Variants in SLC43A2 observed in about 807,000 individuals in gnomAD.
The protein encoded by SLC43A2 is solute carrier family 43 member 2.
Under a neutral mutation model 63.2 loss-of-function variants are expected in SLC43A2, and 38 were observed. That is an observed-to-expected ratio of 0.60 (90% confidence interval 0.46 to 0.79). SLC43A2 has a LOEUF of 0.79. Among genes scored for constraint, SLC43A2 ranks in the 30% least tolerant of loss-of-function variants. The probability of loss-of-function intolerance (pLI) is 0.00; values close to 1 mark genes in which losing one functional copy is unlikely to be tolerated. For synonymous variants in SLC43A2, 322 were observed against 331.0 expected (o/e 0.97, Z 0.30); for missense variants, 644 against 756.2 (o/e 0.85, Z 1.74).
intron 5 of SLC43A2, among the ~76,000 whole-genome samples, chr17:1,594,650 C>G (rs111783863): frequency 6.9e-4 from 96 of 138,476 alleles, no homozygotes; most frequent in Admixed American, 3.9e-3. Context: ...TGCAGTGGCT[C>G]TATCTCGGCT....
chr17:1,612,320 G>A (rs943162796), intron 5 of SLC43A2, among the ~76,000 whole-genome samples: 1 of 152,122 alleles, frequency 6.6e-6, no homozygotes, highest in Non-Finnish European at 1.5e-5. Flanking sequence ...CTGACATCAA[G>A]AAGGAGCATA....
At chr17:1,586,940 C>A (rs748146602) in intron 9 of SLC43A2, 6 of 1,527,298 alleles carry the variant, frequency 3.9e-6, no homozygotes, top group Middle Eastern at 1.7e-4. Flanking sequence ...CCCCCCACCC[C>A]CCGCTTACCC....
chr17:1,589,403 G>T (rs891476697), intron 9 of SLC43A2, among the ~76,000 whole-genome samples: 30 of 152,174 alleles, frequency 2.0e-4, no homozygotes, highest in African/African-American at 7.0e-4. Flanking sequence ...CCAGGAGTTC[G>T]ACACCAACCT....
Position 1,604,791 on chromosome 17 carries a change from G to T in SLC43A2, c.501+8404C>A, listed in dbSNP as rs751380689. 6.6e-5 allele frequency: 102 copies of T among 1,535,740 alleles called. 1 individual carries two copies. The South Asian group carries it at 1.1e-3, about 17-fold the overall frequency. ...CCCCATGGTCCAGCGCCACAGCATC[G>T]GATGGGCTTGCATTTGCCTGTGGAC... On this transcript the variant is annotated intron_variant, in intron 5 of 13. Coordinates refer to ENST00000301335, the MANE Select transcript of SLC43A2 (RefSeq NM_152346.3).
At chr17:1,602,881 C>T (rs1906196955) in intron 5 of SLC43A2, among the ~76,000 whole-genome samples, 1 of 150,908 alleles carries the variant, frequency 6.6e-6, no homozygotes, top group Non-Finnish European at 1.5e-5. Context: ...GCCTCAGCCT[C>T]CCAAGTAGCT....
chr17:1,617,515 C>T (rs1200284751), intron 2 of SLC43A2, among the ~76,000 whole-genome samples: 4 of 152,080 alleles, frequency 2.6e-5, no homozygotes, highest in African/African-American at 9.7e-5. Flanking sequence ...CTCAGCCTCC[C>T]GAGTAGCTGG....
chr17:1,589,956 G>A (rs1234357207), intron 9 of SLC43A2, among the ~76,000 whole-genome samples: 1 of 152,100 alleles, frequency 6.6e-6, no homozygotes, highest in Non-Finnish European at 1.5e-5. Flanking sequence ...GCTGTTATCT[G>A]GTTCCCTTTG....
Position 1,593,073 on chromosome 17 carries a change from G to A in SLC43A2, c.594+114C>T. The A allele has an allele frequency of 1.1e-6, 1 of 929,224 alleles. No homozygotes were observed. Among genetic ancestry groups the A allele is most frequent in the Non-Finnish European group, 1.7e-6 (1 of 590,090 alleles). 57.6% of individuals were successfully genotyped at this position (929,224 alleles called of 1,614,324 possible). ...CCCAGGTGCATCCTGCCCGGGTGGGGGTGGTGGAGAGGGGCCACCCCGGGT... is the reference window on the plus strand; with the variant it reads ...CCCAGGTGCATCCTGCCCGGGTGGGAGTGGTGGAGAGGGGCCACCCCGGGT... On this transcript the variant is annotated intron_variant, in intron 6 of 13. Coordinates refer to ENST00000301335, the MANE Select transcript of SLC43A2 (RefSeq NM_152346.3). The surrounding 1 kb of genome is among the most constrained non-coding windows in gnomAD (Gnocchi z 5.3).
At chr17:1,624,038 C>T (rs1376159428) in intron 2 of SLC43A2, among the ~76,000 whole-genome samples, 5 of 152,358 alleles carry the variant, frequency 3.3e-5, no homozygotes, top group Non-Finnish European at 7.3e-5. Context: ...TGGAATTATA[C>T]GGGTTACACA....
At position 1,591,277 on chromosome 17, in the gene SLC43A2, T is replaced by G; in HGVS notation, c.923A>C (p.Asp308Ala). 6.2e-7 allele frequency: 1 copy of G among 1,604,006 alleles called. No homozygotes were observed. Among genetic ancestry groups the G allele is most frequent in the Non-Finnish European group, 8.5e-7 (1 of 1,179,870 alleles). ...TVDLEVKCQP[D>A]AAVAPSFMHS... ...CGGTCTCAGGCGGGTACCTGCGGCA[T>G]CCGGCTGGCACTTCACCTCCAGGTC... The change falls in exon 8 of 14, where the codon GAT becomes GCT. Residue 308 changes from aspartate (D) to alanine (A), a missense_variant. Physicochemically the swap from Asp to Ala is moderately radical, Grantham distance 126 (BLOSUM62 -2). Transcript: ENST00000301335.
At chr17:1,616,121 G>A (rs1907640651) in intron 3 of SLC43A2, among the ~76,000 whole-genome samples, 1 of 151,196 alleles carries the variant, frequency 6.6e-6, no homozygotes, top group Non-Finnish European at 1.5e-5. Context: ...GGTACGTGTT[G>A]AAAATCTTTT....
intron 5 of SLC43A2, among the ~76,000 whole-genome samples, chr17:1,594,713 G>C (rs932763308): frequency 6.7e-6 from 1 of 148,404 alleles, no homozygotes; most frequent in Non-Finnish European, 1.5e-5. Context: ...TCAGCCTCCC[G>C]TGTAGCTGGG....
At position 1,606,064 on chromosome 17, in the gene SLC43A2, A is replaced by G. The variant is rs1439741563; in HGVS notation, c.501+7131T>C. On this transcript the variant is annotated intron_variant, in intron 5 of 13. Transcript: ENST00000301335. The surrounding 1 kb of genome is among the most constrained non-coding windows in gnomAD (Gnocchi z 4.7). Reference sequence around the variant, plus strand: ...GAGCTTCCCCAAGGTACAGGACAGAAAGAGAGGAAGGTGGGGAGGCACAGC... The same window carrying G: ...GAGCTTCCCCAAGGTACAGGACAGAGAGAGAGGAAGGTGGGGAGGCACAGC... Among the ~76,000 whole-genome samples the G allele has an allele frequency of 6.6e-6, 1 of 152,158 alleles. No individual in the cohort carries two copies. Among genetic ancestry groups the G allele is most frequent in the Non-Finnish European group, 1.5e-5 (1 of 68,012 alleles).
At chr17:1,616,481 G>T in intron 3 of SLC43A2, 81 bp downstream of exon 3, 2 of 1,379,034 alleles carry the variant, frequency 1.5e-6, no homozygotes, top group South Asian at 1.3e-5. Flanking sequence ...TATCAGGTAC[G>T]ACCAGGATAC....
chr17:1,576,572 C>G, intron 13 of SLC43A2, 25 bp downstream of exon 13: 6 of 1,585,606 alleles, frequency 3.8e-6, no homozygotes, highest in Non-Finnish European at 5.1e-6. Flanking sequence ...GCGCCCATGA[C>G]CCACCATCCC....
rs111672759 is a variant in SLC43A2, at chr17:1,584,851, A to G, written c.1217+1062T>C. On this transcript the variant is annotated intron_variant, in intron 10 of 13. Transcript: ENST00000301335. The stretch of plus-strand genomic sequence containing the variant: ...AAAAAAGAAAAAGAAAAAAGAAAAC[A>G]GCGTTTAACTCATCCTCTGATCTTG... Among the ~76,000 whole-genome samples, 1,102 of 152,182 alleles carry G rather than the reference A, an allele frequency of 7.2e-3. 16 individuals are homozygous for G. Among genetic ancestry groups the G allele is most frequent in the African/African-American group, 0.025 (1,049 of 41,540 alleles).
intron 11 of SLC43A2, among the ~76,000 whole-genome samples, chr17:1,581,222 G>GACACA (rs1555536175): frequency 8.7e-6 from 1 of 115,344 alleles, no homozygotes; most frequent in African/African-American, 3.1e-5. Context: ...ACACACACAC[G>GACACA]CACGCTGTGC....
chr17:1,615,405 C>T (rs1214130372), intron 3 of SLC43A2, among the ~76,000 whole-genome samples: 3 of 151,962 alleles, frequency 2.0e-5, no homozygotes, highest in Non-Finnish European at 4.4e-5. Context: ...CCACCGTGCC[C>T]AGCCCATTTT....
chr17:1,574,704 C>A lies in SLC43A2; in HGVS notation c.*900G>T, dbSNP rs960853184. 4 of 152,464 alleles carry A rather than the reference C, an allele frequency of 2.6e-5. No homozygotes were observed. In the South Asian group the frequency reaches 8.3e-4, roughly 32 times the overall value. The allele number at this position is 152,464 out of a possible 1,614,324, so 9.4% of individuals were successfully genotyped here. A position where few individuals can be genotyped will look rare whatever the true frequency, so the allele number is the denominator to read the frequency against. On this transcript the variant is annotated 3_prime_UTR_variant, in exon 14 of 14. Transcript: ENST00000301335. ...GGCACTGGCCCAGCTGCAGGCCTGGCGGCTCCCGCCTGGTCAGTGGGGATA... is the reference window on the plus strand; with the variant it reads ...GGCACTGGCCCAGCTGCAGGCCTGGAGGCTCCCGCCTGGTCAGTGGGGATA...
Sources: gnomAD v4.1 joint callset for allele counts (sites outside exome capture counted in the v4.1 genomes callset) on GRCh38, gnomAD v4.1.1 for gene constraint, Gnocchi (gnomAD v3.1) non-coding constraint, MANE v1.5 for transcripts, NCBI Gene and HGNC (gene_info 2026-07-23, HGNC 2026-07-21) for gene names.